The following KCNMB2 variants were observed in gnomAD, a reference collection of about 807,000 sequenced individuals.
KCNMB2 encodes the protein potassium calcium-activated channel subfamily M regulatory beta subunit 2, also known as calcium-activated potassium channel subunit beta-2.
Under a neutral mutation model 24.5 loss-of-function variants are expected in KCNMB2, and 9 were observed. The ratio of observed to expected loss-of-function variants is 0.37; its 90% CI spans 0.22 to 0.64. The LOEUF is 0.64. Among genes scored for constraint, KCNMB2 ranks in the 30% least tolerant of loss-of-function variants. The pLI is 0.63. For synonymous variants in KCNMB2, 109 were observed against 104.4 expected, an observed-to-expected ratio of 1.04 and a Z score of -0.27; for missense variants, 226 against 284.3, an observed-to-expected ratio of 0.79 and a Z score of 1.47.
chr3:178,830,837 T>C (rs183054009), intron 4 of KCNMB2, among the ~76,000 whole-genome samples: 1 of 152,264 alleles, frequency 6.6e-6, no homozygotes, highest in East Asian at 1.9e-4. Context: ...CTGTTGGTTA[T>C]ATGTGTTGTA....
intron 2 of KCNMB2, among the ~76,000 whole-genome samples, chr3:178,812,594 A>C (rs775241981): frequency 9.9e-5 from 15 of 151,906 alleles, no homozygotes; most frequent in Admixed American, 7.2e-4. Context: ...TCTAAATTTC[A>C]TGTAGCATTA....
chr3:178,778,426 A>G (rs938267287), intron 1 of KCNMB2, among the ~76,000 whole-genome samples: 3 of 147,838 alleles, frequency 2.0e-5, no homozygotes, highest in Non-Finnish European at 3.0e-5. Context: ...CTAATGTCAA[A>G]TATATTATGC....
intron 1 of KCNMB2, chr3:178,757,184 C>CAAA (rs1724092430): frequency 9.2e-6 from 1 of 109,062 alleles, no homozygotes. Flanking sequence ...AGAAGTAAAA[C>CAAA]CAAAAAAAAA....
At chr3:178,634,550 G>A (rs1719444110) in intron 1 of KCNMB2, among the ~76,000 whole-genome samples, 1 of 152,026 alleles carries the variant, frequency 6.6e-6, no homozygotes, top group Admixed American at 6.5e-5. Flanking sequence ...CAGCATGGAG[G>A]TAACCACCTC....
intron 1 of KCNMB2, among the ~76,000 whole-genome samples, chr3:178,676,224 G>A (rs952118034): frequency 3.3e-5 from 5 of 152,170 alleles, no homozygotes; most frequent in African/African-American, 1.2e-4. Flanking sequence ...CAGGGCATAA[G>A]TCCAGTCTCA....
intron 1 of KCNMB2, among the ~76,000 whole-genome samples, chr3:178,786,368 C>T (rs1393819316): frequency 1.3e-5 from 2 of 152,122 alleles, no homozygotes; most frequent in Non-Finnish European, 2.9e-5. Flanking sequence ...ATTAGCTCCC[C>T]TTTGGGATGG....
chr3:178,661,787 G>A (rs1267940273), intron 1 of KCNMB2, among the ~76,000 whole-genome samples: 2 of 152,154 alleles, frequency 1.3e-5, no homozygotes, highest in African/African-American at 2.4e-5. Flanking sequence ...TTCTCCAGAA[G>A]AGTCATACAC....
At chr3:178,631,431 C>T (rs926227623) in intron 1 of KCNMB2, among the ~76,000 whole-genome samples, 1 of 152,214 alleles carries the variant, frequency 6.6e-6, no homozygotes, top group African/African-American at 2.4e-5. Context: ...GACATGAATG[C>T]ATTTTACCCC....
intron 1 of KCNMB2, among the ~76,000 whole-genome samples, chr3:178,786,974 G>A (rs1218936704): frequency 6.6e-6 from 1 of 152,080 alleles, no homozygotes; most frequent in East Asian, 1.9e-4. Flanking sequence ...AACTTTTCAG[G>A]TGAAAGGAAC....
At chr3:178,839,789 C>T (rs1475973268) in intron 4 of KCNMB2, among the ~76,000 whole-genome samples, 1 of 152,138 alleles carries the variant, frequency 6.6e-6, no homozygotes, top group Admixed American at 6.5e-5. Flanking sequence ...CACCTCCCAC[C>T]AGGTCCTTCC....
chr3:178,681,309 G>A (rs62281735), intron 1 of KCNMB2, among the ~76,000 whole-genome samples: 1 of 152,184 alleles, frequency 6.6e-6, no homozygotes, highest in African/African-American at 2.4e-5. Flanking sequence ...TAAGCAGTGA[G>A]AATTAGTTAT....
At chr3:178,598,313 T>C (rs192776492) in intron 1 of KCNMB2, among the ~76,000 whole-genome samples, 2 of 152,300 alleles carry the variant, frequency 1.3e-5, no homozygotes, top group South Asian at 2.1e-4. Flanking sequence ...ATGCAAATTA[T>C]AGACAATAAA....
chr3:178,760,381 T>TTCGTTAC (rs1711786021), intron 1 of KCNMB2, among the ~76,000 whole-genome samples: 2 of 133,808 alleles, frequency 1.5e-5, no homozygotes, highest in Admixed American at 7.9e-5. Flanking sequence ...ATATATATAT[T>TTCGTTAC]ATATATATAT....
rs1195053090 is a variant in KCNMB2 at position 178,760,345 on chromosome 3, G to A, written c.-67-46998G>A. ...ATATATATAGATATATATCTCCTTC[G>A]TTACATATATATATCCATATCCAAG... is the stretch of plus-strand genomic sequence containing the variant. On this transcript the variant is annotated intron_variant, in intron 1 of 4. Coordinates refer to ENST00000452583, the MANE Select transcript of KCNMB2 (RefSeq NM_181361.3). Among the ~76,000 whole-genome samples the A allele has an allele frequency of 4.6e-4, 38 of 81,756 alleles. 1 individual carries two copies. Among genetic ancestry groups the A allele is most frequent in the Non-Finnish European group, 6.4e-4 (25 of 39,034 alleles). The allele number at this position is 81,756 out of a possible 152,430, so 53.6% of individuals were successfully genotyped here. A position where few individuals can be genotyped will look rare whatever the true frequency, so the allele number is the denominator to read the frequency against.
intron 1 of KCNMB2, among the ~76,000 whole-genome samples, chr3:178,805,327 G>C (rs1466080588): frequency 6.6e-6 from 1 of 152,154 alleles, no homozygotes; most frequent in Non-Finnish European, 1.5e-5. Flanking sequence ...CCATTCTTCA[G>C]TTTATTGAAT....
intron 1 of KCNMB2, among the ~76,000 whole-genome samples, chr3:178,541,576 A>T (rs981730469): frequency 1.1e-4 from 16 of 152,224 alleles, no homozygotes; most frequent in African/African-American, 3.1e-4. Flanking sequence ...AATTAATTAA[A>T]ATATAATAGA....
At chr3:178,537,524 T>A (rs907590943) in intron 1 of KCNMB2, 2 of 152,242 alleles carry the variant, frequency 1.3e-5, no homozygotes, top group Non-Finnish European at 2.9e-5. Context: ...GGCAGTTGGG[T>A]TCCAAAGTCC....
At chr3:178,765,157 C>T (rs1260714461) in intron 1 of KCNMB2, among the ~76,000 whole-genome samples, 1 of 152,178 alleles carries the variant, frequency 6.6e-6, no homozygotes, top group Non-Finnish European at 1.5e-5. Context: ...TGTCTTCTTA[C>T]AAAGTAGGCA....
intron 1 of KCNMB2, among the ~76,000 whole-genome samples, chr3:178,576,868 G>T (rs971495299): frequency 6.6e-6 from 1 of 152,176 alleles, no homozygotes; most frequent in Non-Finnish European, 1.5e-5. Flanking sequence ...TAAAACTCCC[G>T]TTTCCCTGGG....
Sources: allele counts gnomAD v4.1 joint callset (sites outside exome capture counted in the v4.1 genomes callset), GRCh38; gene constraint gnomAD v4.1.1; transcripts MANE v1.5; gene names NCBI Gene and HGNC (gene_info 2026-07-23, HGNC 2026-07-21).